The following KMT2C variants were observed in gnomAD, a reference collection of about 807,000 sequenced individuals.
KMT2C encodes histone-lysine N-methyltransferase 2C.
A neutral mutation model predicts 507.9 loss-of-function variants in KMT2C; 88 were observed. The observed-to-expected ratio is 0.17, with a 90% CI of 0.15 to 0.21. The LOEUF is 0.21. Ranked by LOEUF, KMT2C falls within the 10% of genes least tolerant of loss-of-function variation. The pLI is 1.00. For synonymous variants in KMT2C, 2,049 were observed against 2,080.8 expected, an observed-to-expected ratio of 0.98 and a Z score of 0.42; for missense variants, 4,954 against 5,957.8, an observed-to-expected ratio of 0.83 and a Z score of 5.55.
At chr7:152,345,222 C>A (rs1424033076) in intron 2 of KMT2C, among the ~76,000 whole-genome samples, 2 of 151,934 alleles carry the variant, frequency 1.3e-5, no homozygotes, top group African/African-American at 4.8e-5. Flanking sequence ...GGCAACACAG[C>A]GAGAACCCGT....
At chr7:152,314,993 G>T in intron 4 of KMT2C, 145 bp downstream of exon 4, 1 of 645,060 alleles carries the variant, frequency 1.6e-6, no homozygotes, top group Non-Finnish European at 2.6e-6. Flanking sequence ...TGGGTTAATG[G>T]TGAGTCAGAG....
chr7:152,276,897 T>C (rs73483013), intron 6 of KMT2C, among the ~76,000 whole-genome samples: 1 of 152,138 alleles, frequency 6.6e-6, no homozygotes, highest in Admixed American at 6.5e-5. Context: ...AGGAAAAAAG[T>C]AACATGTTAT....
chr7:152,427,800 C>G (rs1390341348), intron 1 of KMT2C, among the ~76,000 whole-genome samples: 1 of 152,176 alleles, frequency 6.6e-6, no homozygotes, highest in Admixed American at 6.5e-5. Context: ...TTCCTCAACT[C>G]CAGTCCTACT....
At position 152,364,926 on chromosome 7, in the gene KMT2C, A is replaced by AACAG. The variant is rs765820811; in HGVS notation, c.162-6255_162-6252dup. On this transcript the variant is annotated intron_variant, in intron 1 of 58. Coordinates refer to ENST00000262189, the MANE Select transcript of KMT2C (RefSeq NM_170606.3). ...CAGATCCAAGCACAACAAAATCTGA[A>AACAG]ACAGACAGACACACACACACACACA... Among the ~76,000 whole-genome samples, 1,443 of 144,454 alleles carry AACAG rather than the reference A, an allele frequency of 1.0e-2. 19 individuals carry two copies. Among genetic ancestry groups the AACAG allele is most frequent in the African/African-American group, 0.034 (1,332 of 39,300 alleles). The allele number at this position is 144,454 out of a possible 152,430, so 94.8% of individuals were successfully genotyped here.
rs1026099720 is a variant in KMT2C, at chr7:152,182,961, A to G, written c.5265+13T>C. On this transcript the variant is annotated intron_variant, in intron 35 of 58. Transcript: ENST00000262189. Reference sequence around the variant, plus strand: ...TGCAACTTCAAAAAGTAGATTATCCAAAAATTCCATACCTGTCTAAATTTC... The same window carrying G: ...TGCAACTTCAAAAAGTAGATTATCCGAAAATTCCATACCTGTCTAAATTTC... The G allele has an allele frequency of 2.6e-6, 4 of 1,543,848 alleles. No individual in the cohort carries two copies. The African/African-American group carries it at 5.6e-5, about 22-fold the overall frequency.
intron 2 of KMT2C, among the ~76,000 whole-genome samples, chr7:152,357,753 T>C (rs777548074): frequency 2.8e-4 from 43 of 152,136 alleles, no homozygotes; most frequent in Admixed American, 5.2e-4. Context: ...AAACTATAGA[T>C]TATTTGAAGG....
chr7:152,384,704 T>A (rs1302248012), intron 1 of KMT2C, among the ~76,000 whole-genome samples: 5 of 151,294 alleles, frequency 3.3e-5, no homozygotes, highest in Admixed American at 1.3e-4. Context: ...AACAGATACA[T>A]TAAAAATAAT....
At chr7:152,410,417 A>C (rs78546209) in intron 1 of KMT2C, among the ~76,000 whole-genome samples, 1 of 151,024 alleles carries the variant, frequency 6.6e-6, no homozygotes, top group Non-Finnish European at 1.5e-5. Flanking sequence ...GTCTCAAAAA[A>C]AAAAAAAAAA....
At chr7:152,321,847 C>G (rs1015198480) in intron 3 of KMT2C, among the ~76,000 whole-genome samples, 4 of 151,768 alleles carry the variant, frequency 2.6e-5, no homozygotes, top group Admixed American at 2.6e-4. Flanking sequence ...TCCATACTAC[C>G]CAAAGTGATC....
chr7:152,377,509 C>T (rs368767906), intron 1 of KMT2C, among the ~76,000 whole-genome samples: 6 of 118,954 alleles, frequency 5.0e-5, no homozygotes, highest in African/African-American at 8.5e-5. Context: ...CCAAGGCAGG[C>T]GGATCACTTG....
chr7:152,432,310 T>C (rs2097869963), intron 1 of KMT2C, among the ~76,000 whole-genome samples: 1 of 152,188 alleles, frequency 6.6e-6, no homozygotes, highest in African/African-American at 2.4e-5. Context: ...AACTTGGTAA[T>C]GTGAATTTAC....
intron 43 of KMT2C, among the ~76,000 whole-genome samples, chr7:152,161,872 G>A (rs147097846): frequency 8.2e-4 from 125 of 152,190 alleles, no homozygotes; most frequent in African/African-American, 2.7e-3. Flanking sequence ...TACACATCAC[G>A]TTATATATGA....
chr7:152,328,290 T>A (rs1288653372), intron 3 of KMT2C, among the ~76,000 whole-genome samples: 5 of 152,222 alleles, frequency 3.3e-5, no homozygotes, highest in Admixed American at 3.3e-4. Flanking sequence ...TTTCGTTGAT[T>A]CACATTGTAT....
intron 3 of KMT2C, among the ~76,000 whole-genome samples, chr7:152,330,205 T>C (rs893829910): frequency 1.3e-5 from 2 of 151,138 alleles, no homozygotes; most frequent in African/African-American, 4.9e-5. Flanking sequence ...AAAAATAGGT[T>C]ATAATGTCCT....
rs1412461886 is a variant in KMT2C, at chr7:152,408,416, T to A, written c.161+27210A>T. On this transcript the variant is annotated intron_variant, in intron 1 of 58. Coordinates refer to ENST00000262189, the MANE Select transcript of KMT2C (RefSeq NM_170606.3). ...TGCTTCAATATATTAAAAAAATTAT[T>A]CTAGAAGATAGTTTATCGTACTCAG... Among the ~76,000 whole-genome samples the A allele has an allele frequency of 2.6e-5, 4 of 152,272 alleles. No individual in the cohort carries two copies. The East Asian group carries it at 7.7e-4, about 29-fold the overall frequency.
intron 1 of KMT2C, among the ~76,000 whole-genome samples, chr7:152,395,660 A>G (rs1268585834): frequency 2.6e-5 from 4 of 152,110 alleles, no homozygotes; most frequent in African/African-American, 7.2e-5. Context: ...GGTGCCTACC[A>G]CCATGCCAGG....
intron 1 of KMT2C, chr7:152,368,677 C>T: frequency 6.9e-7 from 1 of 1,439,668 alleles, no homozygotes; most frequent in Non-Finnish European, 9.6e-7. Context: ...CTATTGACCA[C>T]CAGTTACGTA....
Position 152,230,335 on chromosome 7 carries a change from A to T in KMT2C, c.2770-14T>A. 8.7e-7 allele frequency: 1 copy of T among 1,148,192 alleles called. No homozygotes were observed. Among genetic ancestry groups the T allele is most frequent in the Non-Finnish European group, 1.3e-6 (1 of 784,060 alleles). 71.1% of individuals were successfully genotyped at this position (1,148,192 alleles called of 1,614,324 possible). A position where few individuals can be genotyped will look rare whatever the true frequency, so the allele number is the denominator to read the frequency against. ...TGCAGTAGACACCTATAAAAAGCAA[A>T]ATACACAGAATACGAAGTTATATTT... On this transcript the variant is annotated splice_polypyrimidine_tract_variant and intron_variant, in intron 16 of 58. Transcript: ENST00000262189.
intron 1 of KMT2C, among the ~76,000 whole-genome samples, chr7:152,384,055 T>C (rs1271519204): frequency 6.6e-6 from 1 of 151,582 alleles, no homozygotes; most frequent in East Asian, 1.9e-4. Flanking sequence ...TGTGTGTGTG[T>C]GCGTGTGTGT....
Sources: allele counts gnomAD v4.1 joint callset (sites outside exome capture counted in the v4.1 genomes callset), GRCh38; gene constraint gnomAD v4.1.1; transcripts MANE v1.5; gene names NCBI Gene and HGNC (gene_info 2026-07-23, HGNC 2026-07-21).